Variants in FAM81B observed in about 807,000 individuals in gnomAD.
FAM81B encodes the protein family with sequence similarity 81 member B, also known as protein FAM81B.
A neutral mutation model predicts 58.7 loss-of-function variants in FAM81B; 60 were observed. The ratio of observed to expected loss-of-function variants is 1.02; its 90% CI spans 0.83 to 1.27. The LOEUF is 1.27. Ranked by LOEUF, FAM81B falls within the 50% of genes most tolerant of loss-of-function variation. FAM81B has a pLI of 0.00. For missense variants in FAM81B, 491 were observed against 522.0 expected, an observed-to-expected ratio of 0.94 and a Z score of 0.58; for synonymous variants, 189 against 179.6, an observed-to-expected ratio of 1.05 and a Z score of -0.42.
At chr5:95,449,665 G>A (rs1461232370) in intron 9 of FAM81B, among the ~76,000 whole-genome samples, 1 of 152,158 alleles carries the variant, frequency 6.6e-6, no homozygotes, top group Non-Finnish European at 1.5e-5. Context: ...GGTCAGGAGT[G>A]ACTAGACATG....
chr5:95,444,508 T>G (rs1371593788), intron 7 of FAM81B, among the ~76,000 whole-genome samples: 1 of 152,112 alleles, frequency 6.6e-6, no homozygotes, highest in African/African-American at 2.4e-5. Context: ...AGAAAATAAT[T>G]GGCTAAAATG....
At chr5:95,422,016 A>G (rs1350844321) in intron 5 of FAM81B, among the ~76,000 whole-genome samples, 3 of 152,156 alleles carry the variant, frequency 2.0e-5, no homozygotes, top group Admixed American at 1.3e-4. Flanking sequence ...CATGTTGTGT[A>G]TGAGACGCCA....
At chr5:95,434,362 T>C (rs564497514) in intron 6 of FAM81B, among the ~76,000 whole-genome samples, 1 of 152,172 alleles carries the variant, frequency 6.6e-6, no homozygotes, top group South Asian at 2.1e-4. Flanking sequence ...CCTTCTTGTG[T>C]TTTCCATGTG....
At chr5:95,402,979 C>T (rs890804392) in intron 3 of FAM81B, among the ~76,000 whole-genome samples, 4 of 152,226 alleles carry the variant, frequency 2.6e-5, no homozygotes, top group Admixed American at 2.0e-4. Flanking sequence ...TGCTTTCCAA[C>T]CTGCCAAGCT....
At position 95,406,950 on chromosome 5, in the gene FAM81B, T is replaced by C. The variant is rs1015324140; in HGVS notation, c.294-6997T>C. ...TAACTCTCAATTCTGTATTGCTTGCTGAAAGCTTTATTTTCCCAGGAGGCT... is the reference window on the plus strand; with the variant it reads ...TAACTCTCAATTCTGTATTGCTTGCCGAAAGCTTTATTTTCCCAGGAGGCT... On this transcript the variant is annotated intron_variant, in intron 3 of 9. Coordinates refer to ENST00000283357, the MANE Select transcript of FAM81B (RefSeq NM_152548.3). Among the ~76,000 whole-genome samples the C allele has an allele frequency of 4.6e-5, 7 of 152,310 alleles. No individual in the cohort carries two copies. In the East Asian group the frequency reaches 1.4e-3, roughly 29 times the overall value.
At chr5:95,438,290 G>C (rs1745183546) in intron 7 of FAM81B, among the ~76,000 whole-genome samples, 1 of 152,084 alleles carries the variant, frequency 6.6e-6, no homozygotes, top group Non-Finnish European at 1.5e-5. Context: ...CCTTTAGCTT[G>C]GAATTAAGAC....
At chr5:95,445,918 T>C (rs1364014873) in intron 7 of FAM81B, among the ~76,000 whole-genome samples, 1 of 151,984 alleles carries the variant, frequency 6.6e-6, no homozygotes, top group East Asian at 1.9e-4. Context: ...TTAGCAGGAG[T>C]CAGCAAACTA....
chr5:95,427,401 C>T (rs779374486), intron 5 of FAM81B, among the ~76,000 whole-genome samples: 23 of 152,262 alleles, frequency 1.5e-4, no homozygotes, highest in Admixed American at 4.6e-4. Flanking sequence ...CTTGATCAGA[C>T]TAATTCCTAA....
intron 3 of FAM81B, among the ~76,000 whole-genome samples, chr5:95,404,570 CTA>C (rs1440257151): frequency 6.6e-6 from 1 of 151,416 alleles, no homozygotes; most frequent in African/African-American, 2.4e-5. Context: ...AGAGAGTAAA[CTA>C]TGTCTTGAGG....
At chr5:95,441,389 T>C (rs1378687067) in intron 7 of FAM81B, among the ~76,000 whole-genome samples, 1 of 151,744 alleles carries the variant, frequency 6.6e-6, no homozygotes, top group Non-Finnish European at 1.5e-5. Context: ...GCCAGCATAG[T>C]GAAACCCCGC....
intron 7 of FAM81B, among the ~76,000 whole-genome samples, chr5:95,442,795 T>C (rs1745415544): frequency 6.6e-6 from 1 of 151,972 alleles, no homozygotes; most frequent in South Asian, 2.1e-4. Flanking sequence ...GGTGTAAAGT[T>C]AGTAGAAAAA....
At chr5:95,420,146 C>T in intron 4 of FAM81B, 138 bp from the exon 5 acceptor site, 1 of 984,886 alleles carries the variant, frequency 1.0e-6, no homozygotes, top group Non-Finnish European at 1.5e-6. Context: ...TCACTTCTCT[C>T]TGAGATAGGA....
rs1745119291 is a variant in FAM81B at position 95,436,811 on chromosome 5, C to T, written c.798C>T (p.Leu266=). 2.5e-6 allele frequency: 4 copies of T among 1,612,728 alleles called. No homozygotes were observed. Among genetic ancestry groups the T allele is most frequent in the Non-Finnish European group, 3.4e-6 (4 of 1,178,774 alleles). Reference sequence around the variant, plus strand: ...CGTACTTTGACTAGGTGATGCAGCTCTTAGGAAAGATAGAAACTGCCAGTT... The same window carrying T: ...CGTACTTTGACTAGGTGATGCAGCTTTTAGGAAAGATAGAAACTGCCAGTT... ...SKNLDMKVMQ[L]LGKIETASSE... Residue 266 remains leucine, a synonymous_variant, in exon 7 of 10, where the codon CTC becomes CTT. Transcript: ENST00000283357.
intron 3 of FAM81B, among the ~76,000 whole-genome samples, chr5:95,409,141 CAT>C (rs1225579661): frequency 1.3e-5 from 2 of 152,064 alleles, no homozygotes; most frequent in Non-Finnish European, 2.9e-5. Flanking sequence ...TTAAAATTAA[CAT>C]TATCAGTTTT....
chr5:95,391,641 A>G, intron 1 of FAM81B, 128 bp downstream of exon 1: 1 of 1,014,586 alleles, frequency 9.9e-7, no homozygotes, highest in Admixed American at 2.8e-5. Context: ...ACAACAGAGT[A>G]ATAACTTAAA....
intron 5 of FAM81B, 102 bp from the exon 6 acceptor site, chr5:95,428,501 G>A: frequency 7.1e-7 from 1 of 1,402,106 alleles, no homozygotes; most frequent in Non-Finnish European, 9.8e-7. Flanking sequence ...TTCTTCAAAT[G>A]ACTTTAGAAC....
chr5:95,445,898 A>G (rs1745539100), intron 7 of FAM81B, among the ~76,000 whole-genome samples: 1 of 152,120 alleles, frequency 6.6e-6, no homozygotes, highest in Non-Finnish European at 1.5e-5. Context: ...TCCCAGCCAC[A>G]TACCGGCACT....
chr5:95,444,381 T>A (rs551546510), intron 7 of FAM81B, among the ~76,000 whole-genome samples: 2 of 152,174 alleles, frequency 1.3e-5, no homozygotes, highest in Admixed American at 6.5e-5. Context: ...GGTAAGAGAA[T>A]AGGAAGTTTC....
At chr5:95,426,583 C>G (rs911094681) in intron 5 of FAM81B, among the ~76,000 whole-genome samples, 1 of 152,202 alleles carries the variant, frequency 6.6e-6, no homozygotes, top group Non-Finnish European at 1.5e-5. Flanking sequence ...AGGACAGCCA[C>G]TTACAGTTTT....
Sources: gnomAD v4.1 joint callset for allele counts (sites outside exome capture counted in the v4.1 genomes callset) on GRCh38, gnomAD v4.1.1 for gene constraint, MANE v1.5 for transcripts, NCBI Gene and HGNC (gene_info 2026-07-23, HGNC 2026-07-21) for gene names.